HIP1: variants seen among roughly 807,000 people sequenced by gnomAD.
HIP1 encodes the protein huntingtin-interacting protein 1.
In HIP1, 65 loss-of-function variants were observed where a neutral mutation model predicts 147.6. That is an observed-to-expected ratio of 0.44 (90% CI 0.36 to 0.54). The LOEUF is 0.54. Ranked by LOEUF, HIP1 falls within the 20% of genes least tolerant of loss-of-function variation. HIP1 has a pLI of 0.00. For synonymous variants in HIP1, 479 were observed against 504.0 expected (o/e 0.95, Z 0.67); for missense variants, 1,061 against 1,299.6 (o/e 0.82, Z 2.82).
chr7:75,663,651 G>C (rs772889675), intron 1 of HIP1, among the ~76,000 whole-genome samples: 5 of 151,678 alleles, frequency 3.3e-5, no homozygotes, highest in Non-Finnish European at 7.4e-5. Context: ...TGCCAGTTCT[G>C]GGTGTACTAG....
At chr7:75,664,596 G>A (rs1799499407) in intron 1 of HIP1, among the ~76,000 whole-genome samples, 1 of 115,146 alleles carries the variant, frequency 8.7e-6, no homozygotes. Context: ...ATATGTATAG[G>A]GAGAGAGAGA....
At chr7:75,673,845 G>C (rs1222634200) in intron 1 of HIP1, among the ~76,000 whole-genome samples, 6 of 108,382 alleles carry the variant, frequency 5.5e-5, no homozygotes, top group Middle Eastern at 5.5e-3. Flanking sequence ...AATTAGCTGG[G>C]CATGGTGATG....
At chr7:75,659,492 T>C (rs561621892) in intron 1 of HIP1, among the ~76,000 whole-genome samples, 18 of 151,596 alleles carry the variant, frequency 1.2e-4, no homozygotes, top group African/African-American at 4.4e-4. Context: ...CTACAAAAAA[T>C]ACAAAAATTA....
At position 75,738,823 on chromosome 7, in the gene HIP1, C is replaced by G; in HGVS notation, c.98G>C (p.Arg33Pro). Reference protein sequence around the residue: ...GVGAGLEAAERESFERTQTVS... With the variant: ...GVGAGLEAAEPESFERTQTVS... ...CACCTGAGTCCGCTCGAAGCTCTCG[C>G]GCTCCGCCGCCTCCAGCCCAGCGCC... Residue 33 changes from arginine to proline, a missense_variant, in exon 1 of 31, where the codon CGC becomes CCC. Physicochemically the swap from Arg to Pro is moderately radical, Grantham distance 103. Transcript: ENST00000336926. 1.3e-6 allele frequency: 2 copies of G among 1,599,600 alleles called. No homozygotes were observed. Among genetic ancestry groups the G allele is most frequent in the Non-Finnish European group, 8.5e-7 (1 of 1,174,990 alleles).
chr7:75,590,852 C>T (rs1796477838), intron 4 of HIP1, among the ~76,000 whole-genome samples: 4 of 152,168 alleles, frequency 2.6e-5, no homozygotes, highest in Admixed American at 2.6e-4. Context: ...AATTTTGTGA[C>T]TTTAGGACAA....
intron 1 of HIP1, among the ~76,000 whole-genome samples, chr7:75,604,281 T>TA (rs1797132366): frequency 6.6e-6 from 1 of 152,006 alleles, no homozygotes; most frequent in Non-Finnish European, 1.5e-5. Flanking sequence ...CCCAAATCTG[T>TA]AAGATGCTGA....
chr7:75,653,071 C>G (rs1056496728), intron 1 of HIP1, among the ~76,000 whole-genome samples: 7 of 151,842 alleles, frequency 4.6e-5, no homozygotes, highest in Non-Finnish European at 8.8e-5. Context: ...GTGAGGGTGT[C>G]TCTGAAAACT....
intron 1 of HIP1, among the ~76,000 whole-genome samples, chr7:75,703,479 A>G (rs1173994518): frequency 1.3e-5 from 2 of 152,126 alleles, no homozygotes; most frequent in South Asian, 2.1e-4. Context: ...CCCTATCTCT[A>G]CTAAAAATAC....
intron 18 of HIP1, 114 bp from the exon 19 acceptor site, chr7:75,555,665 A>C: frequency 8.9e-7 from 1 of 1,119,110 alleles, no homozygotes; most frequent in South Asian, 1.4e-5. Flanking sequence ...AATGAGGTCC[A>C]AGCCAGTAAG....
chr7:75,676,878 T>G (rs1034403961), intron 1 of HIP1, among the ~76,000 whole-genome samples: 26 of 151,916 alleles, frequency 1.7e-4, no homozygotes, highest in African/African-American at 5.5e-4. Flanking sequence ...ATCCATGACC[T>G]TAGGCAGCTC....
At chr7:75,614,985 C>T (rs587611971) in intron 1 of HIP1, among the ~76,000 whole-genome samples, 2 of 152,106 alleles carry the variant, frequency 1.3e-5, no homozygotes, top group African/African-American at 4.8e-5. Context: ...GTTGGCCTGT[C>T]TTGTCTCGAA....
At chr7:75,677,517 A>G (rs1799934330) in intron 1 of HIP1, among the ~76,000 whole-genome samples, 1 of 149,210 alleles carries the variant, frequency 6.7e-6, no homozygotes, top group African/African-American at 2.5e-5. Flanking sequence ...GAGGCATGAG[A>G]ATTGCTTGAA....
intron 1 of HIP1, among the ~76,000 whole-genome samples, chr7:75,603,040 C>G (rs587700640): frequency 6.6e-6 from 1 of 151,762 alleles, no homozygotes; most frequent in African/African-American, 2.4e-5. Context: ...CCAGCGGCCA[C>G]GAGAAGCTAG....
intron 27 of HIP1, 52 bp downstream of exon 27, chr7:75,544,643 G>T: frequency 1.8e-6 from 2 of 1,081,870 alleles, no homozygotes; most frequent in Non-Finnish European, 2.9e-6. Flanking sequence ...ACCTAGCCTA[G>T]TACTCTCTAA....
Position 75,616,755 on chromosome 7 carries a change from A to C in HIP1, c.121-17508T>G, listed in dbSNP as rs1781316287. 2.0e-5 allele frequency among the ~76,000 whole-genome samples: 3 copies of C among 152,352 alleles called. No homozygotes were observed. The South Asian group carries it at 6.2e-4, about 32-fold the overall frequency. On this transcript the variant is annotated intron_variant, in intron 1 of 30. Coordinates refer to ENST00000336926, the MANE Select transcript of HIP1 (RefSeq NM_005338.7). ...GCAGCCTATGAGGGTGGATGTCCAC[A>C]CATACAGAGGCTGATTACTGGCCAT...
At chr7:75,558,058 T>C (rs1315118745) in intron 15 of HIP1, 109 bp downstream of exon 15, 17 of 862,386 alleles carry the variant, frequency 2.0e-5, no homozygotes, top group Non-Finnish European at 2.7e-5. Context: ...CGGCAATGCC[T>C]TAGAGATCAA....
intron 14 of HIP1, 24 bp downstream of exon 14, chr7:75,559,708 C>T: frequency 4.7e-6 from 2 of 421,898 alleles, no homozygotes; most frequent in Non-Finnish European, 9.0e-6. Context: ...CCGGGGCCCG[C>T]CCCCGCCCCC....
chr7:75,572,273 C>T (rs1281433241), intron 8 of HIP1, among the ~76,000 whole-genome samples: 1 of 151,516 alleles, frequency 6.6e-6, no homozygotes, highest in African/African-American at 2.4e-5. Context: ...ACCAGAACTT[C>T]CAAACTATAT....
intron 1 of HIP1, among the ~76,000 whole-genome samples, chr7:75,635,378 G>C (rs967868369): frequency 1.2e-4 from 19 of 152,046 alleles, no homozygotes; most frequent in African/African-American, 4.6e-4. Context: ...GGGAAATCAA[G>C]AGTCACCTTA....
Sources: gnomAD v4.1 joint callset for allele counts (sites outside exome capture counted in the v4.1 genomes callset) on GRCh38, gnomAD v4.1.1 for gene constraint, MANE v1.5 for transcripts, NCBI Gene and HGNC (gene_info 2026-07-23, HGNC 2026-07-21) for gene names.